TGFA: variants seen among roughly 807,000 people sequenced by gnomAD.
The protein encoded by TGFA is protransforming growth factor alpha.
Under a neutral mutation model 21.7 loss-of-function variants are expected in TGFA, and 12 were observed. The observed-to-expected ratio is 0.55, with a 90% CI of 0.35 to 0.90. TGFA has a LOEUF of 0.90. Ranked by LOEUF, TGFA falls within the 40% of genes least tolerant of loss-of-function variation. TGFA has a pLI of 0.01. For missense variants in TGFA, 178 were observed against 210.8 expected, an observed-to-expected ratio of 0.84 and a Z score of 0.96; for synonymous variants, 79 against 88.1, an observed-to-expected ratio of 0.90 and a Z score of 0.58.
intron 2 of TGFA, among the ~76,000 whole-genome samples, chr2:70,469,398 G>A (rs577073640): frequency 1.3e-5 from 2 of 152,110 alleles, no homozygotes; most frequent in East Asian, 1.9e-4. Flanking sequence ...GCAGTGGCAC[G>A]TTCATGGCTC....
In TGFA at chr2:70,488,763, T is replaced by C. The variant is rs1431329302; in HGVS notation, c.95-23027A>G. ...TTATAATTATACATCAAGTTAGAGA[T>C]AACTGGCCCATTTACAACAAGGAGT... On this transcript the variant is annotated intron_variant, in intron 2 of 5. Transcript: ENST00000295400. Among the ~76,000 whole-genome samples the C allele has an allele frequency of 2.6e-5, 4 of 152,360 alleles. No individual in the cohort carries two copies. In the Middle Eastern group the frequency reaches 0.014, roughly 518 times the overall value.
At chr2:70,471,357 G>A (rs1335116399) in intron 2 of TGFA, among the ~76,000 whole-genome samples, 3 of 152,110 alleles carry the variant, frequency 2.0e-5, no homozygotes, top group Non-Finnish European at 4.4e-5. Flanking sequence ...CAGTCCCAAG[G>A]GCAAGCCACA....
At chr2:70,494,520 G>T (rs1380144807) in intron 2 of TGFA, among the ~76,000 whole-genome samples, 1 of 152,174 alleles carries the variant, frequency 6.6e-6, no homozygotes, top group Non-Finnish European at 1.5e-5. Context: ...TAAATTTTTA[G>T]AAGTGTTATT....
At chr2:70,469,196 A>G (rs2103710585) in intron 2 of TGFA, among the ~76,000 whole-genome samples, 1 of 152,296 alleles carries the variant, frequency 6.6e-6, no homozygotes, top group Admixed American at 6.5e-5. Flanking sequence ...GCCCAGACCT[A>G]CTGAATCAGG....
intron 3 of TGFA, among the ~76,000 whole-genome samples, chr2:70,464,725 C>T (rs1348063819): frequency 3.3e-5 from 5 of 152,188 alleles, no homozygotes; most frequent in African/African-American, 1.2e-4. Context: ...ACCCACATGG[C>T]TTCCATTGCC....
intron 2 of TGFA, among the ~76,000 whole-genome samples, chr2:70,497,472 T>A (rs1158096125): frequency 6.6e-6 from 1 of 152,196 alleles, no homozygotes; most frequent in African/African-American, 2.4e-5. Context: ...CACAAAATAA[T>A]GAAAAGCACT....
intron 1 of TGFA, among the ~76,000 whole-genome samples, chr2:70,545,889 T>C (rs1206877611): frequency 1.3e-5 from 2 of 152,136 alleles, no homozygotes; most frequent in African/African-American, 4.8e-5. Flanking sequence ...TAAAGTGTTA[T>C]TATAAAACTC....
chr2:70,482,024 T>G (rs782543777), intron 2 of TGFA, among the ~76,000 whole-genome samples: 2 of 152,198 alleles, frequency 1.3e-5, no homozygotes, highest in Non-Finnish European at 1.5e-5. Context: ...ATTTGTCATA[T>G]AGCAATAAAT....
chr2:70,479,235 G>A (rs1574087779), intron 2 of TGFA, among the ~76,000 whole-genome samples: 1 of 152,032 alleles, frequency 6.6e-6, no homozygotes, highest in African/African-American at 2.4e-5. Context: ...TTCCAGGAAG[G>A]GCATGTGAAA....
chr2:70,528,559 G>T (rs1672713427), intron 1 of TGFA, among the ~76,000 whole-genome samples: 1 of 152,176 alleles, frequency 6.6e-6, no homozygotes, highest in Non-Finnish European at 1.5e-5. Context: ...CTAGTAGAAA[G>T]GTTGACAGGC....
intron 3 of TGFA, 32 bp downstream of exon 3, chr2:70,465,584 C>A: frequency 1.9e-6 from 3 of 1,613,648 alleles, no homozygotes; most frequent in Non-Finnish European, 2.5e-6. Flanking sequence ...TGACCCCAGC[C>A]CCAGATCTCC....
At position 70,448,927 on chromosome 2, in the gene TGFA, G is replaced by GCTAA. The variant is rs1425042119; in HGVS notation, c.*1928_*1931dup. The GCTAA allele has an allele frequency of 2.6e-5, 4 of 152,230 alleles. No homozygotes were observed. The highest frequency in any genetic ancestry group is 7.2e-5 in the African/African-American group (3 of 41,444). The allele number at this position is 152,230 out of a possible 1,614,324, so 9.4% of individuals were successfully genotyped here. The stretch of plus-strand genomic sequence containing the variant: ...TACGCCTCTGCAAAGTCTCTTGGAT[G>GCTAA]CTAACTACTGATTGATAGAGGTCTA... On this transcript the variant is annotated 3_prime_UTR_variant, in exon 6 of 6. Coordinates refer to ENST00000295400, the MANE Select transcript of TGFA (RefSeq NM_003236.4).
At chr2:70,546,425 T>C (rs1327968858) in intron 1 of TGFA, among the ~76,000 whole-genome samples, 1 of 152,148 alleles carries the variant, frequency 6.6e-6, no homozygotes, top group African/African-American at 2.4e-5. Flanking sequence ...ATAGTAAGAA[T>C]GGTGCCCAAT....
intron 2 of TGFA, among the ~76,000 whole-genome samples, chr2:70,493,158 T>C (rs910202441): frequency 6.6e-6 from 1 of 152,202 alleles, no homozygotes; most frequent in Non-Finnish European, 1.5e-5. Context: ...ACCAAGTTAT[T>C]AAACATGCCA....
At chr2:70,465,871 C>G in intron 2 of TGFA, 135 bp from the exon 3 acceptor site, 1 of 1,273,684 alleles carries the variant, frequency 7.9e-7, no homozygotes, top group Non-Finnish European at 1.1e-6. Context: ...GCACACCCTC[C>G]TCAGCTCTCA....
chr2:70,536,587 C>A (rs1553504416), intron 1 of TGFA, among the ~76,000 whole-genome samples: 1 of 152,176 alleles, frequency 6.6e-6, no homozygotes, highest in Non-Finnish European at 1.5e-5. Flanking sequence ...AAACAACACA[C>A]TTCTAAACAA....
At chr2:70,548,765 A>C (rs1334338044) in intron 1 of TGFA, among the ~76,000 whole-genome samples, 1 of 152,214 alleles carries the variant, frequency 6.6e-6, no homozygotes, top group Non-Finnish European at 1.5e-5. Flanking sequence ...TACTCAGTAC[A>C]ACAAACGTGT....
At chr2:70,519,358 C>T (rs782263823) in intron 1 of TGFA, among the ~76,000 whole-genome samples, 1 of 152,178 alleles carries the variant, frequency 6.6e-6, no homozygotes, top group African/African-American at 2.4e-5. Flanking sequence ...TGGCATCTTC[C>T]CTTATGAATT....
intron 2 of TGFA, among the ~76,000 whole-genome samples, chr2:70,466,620 G>T (rs1670573159): frequency 6.6e-6 from 1 of 152,216 alleles, no homozygotes; most frequent in Non-Finnish European, 1.5e-5. Flanking sequence ...TGGTAGCAGG[G>T]CTTCTCTTGG....
Sources: allele counts gnomAD v4.1 joint callset (sites outside exome capture counted in the v4.1 genomes callset), GRCh38; gene constraint gnomAD v4.1.1; transcripts MANE v1.5; gene names NCBI Gene and HGNC (gene_info 2026-07-23, HGNC 2026-07-21).